C12orf42: variants seen among roughly 807,000 people sequenced by gnomAD.
C12orf42 encodes uncharacterized protein C12orf42.
A neutral mutation model predicts 21.6 loss-of-function variants in C12orf42; 25 were observed. The observed-to-expected ratio is 1.16, with a 90% CI of 0.84 to 1.62. The LOEUF (loss-of-function observed/expected upper bound fraction) is 1.62, where lower values mean the gene tolerates loss of function less well. Ranked by LOEUF, C12orf42 falls within the 40% of genes most tolerant of loss-of-function variation. The pLI is 0.00. For missense variants in C12orf42, 483 were observed against 459.3 expected, an observed-to-expected ratio of 1.05 and a Z score of -0.47; for synonymous variants, 174 against 175.0, an observed-to-expected ratio of 0.99 and a Z score of 0.05.
the C12orf42 span, among the ~76,000 whole-genome samples, chr12:103,547,247 T>A: frequency 2.0e-5 from 3 of 152,342 alleles, no homozygotes; most frequent in African/African-American, 7.2e-5. Flanking sequence ...AAATAAAGAT[T>A]AAATTTCTCA....
chr12:103,129,746 T>C, the C12orf42 span, among the ~76,000 whole-genome samples: 1 of 152,172 alleles, frequency 6.6e-6, no homozygotes, highest in South Asian at 2.1e-4. Flanking sequence ...CTGTCCTCCA[T>C]ACTCCAGAAA....
the C12orf42 span, among the ~76,000 whole-genome samples, chr12:103,131,606 TA>T: frequency 3.9e-5 from 6 of 152,198 alleles, no homozygotes; most frequent in Admixed American, 3.9e-4. Context: ...CTGTTCTAAA[TA>T]TTTTTTTTCT....
At chr12:103,303,527 G>C (rs985845328) in intron 5 of C12orf42, among the ~76,000 whole-genome samples, 1 of 152,078 alleles carries the variant, frequency 6.6e-6, no homozygotes, top group Non-Finnish European at 1.5e-5. Context: ...GCATTTAGAT[G>C]TCTAGAATAT....
At chr12:103,212,316 A>C in the C12orf42 span, among the ~76,000 whole-genome samples, 16 of 152,202 alleles carry the variant, frequency 1.1e-4, no homozygotes, top group Admixed American at 1.0e-3. Context: ...GATCAAAAGG[A>C]GGTCCATAAA....
chr12:103,388,170 AG>A (rs998205518), intron 3 of C12orf42, among the ~76,000 whole-genome samples: 1 of 152,108 alleles, frequency 6.6e-6, no homozygotes, highest in African/African-American at 2.4e-5. Context: ...GTGCCAGAGA[AG>A]GGGGGGTGAT....
chr12:103,111,891 A>C, the C12orf42 span, among the ~76,000 whole-genome samples: 1 of 152,248 alleles, frequency 6.6e-6, no homozygotes, highest in African/African-American at 2.4e-5. Flanking sequence ...GTTCTGAGGT[A>C]ATCTTGTAGA....
the C12orf42 span, among the ~76,000 whole-genome samples, chr12:103,147,165 T>TACAG: frequency 6.6e-6 from 1 of 152,220 alleles, no homozygotes. Context: ...TAGTAGCTTT[T>TACAG]ACAGACAAGG....
intron 4 of C12orf42, among the ~76,000 whole-genome samples, chr12:103,343,657 C>G (rs2042356356): frequency 6.6e-6 from 1 of 151,384 alleles, no homozygotes; most frequent in African/African-American, 2.4e-5. Context: ...GGCTGTAATC[C>G]TAGATACTCG....
At chr12:103,259,528 C>T (rs2034785575) in intron 10 of C12orf42, among the ~76,000 whole-genome samples, 1 of 152,224 alleles carries the variant, frequency 6.6e-6, no homozygotes, top group Non-Finnish European at 1.5e-5. Context: ...ATCCACCTGC[C>T]TCGGCCTCCC....
chr12:103,103,916 T>A, the C12orf42 span, among the ~76,000 whole-genome samples: 2 of 152,018 alleles, frequency 1.3e-5, no homozygotes, highest in Non-Finnish European at 2.9e-5. Flanking sequence ...TTCTCCTGCC[T>A]CAGCTTCCCA....
At chr12:103,402,807 T>A (rs906128860) in intron 2 of C12orf42, among the ~76,000 whole-genome samples, 3 of 152,140 alleles carry the variant, frequency 2.0e-5, no homozygotes, top group African/African-American at 7.2e-5. Flanking sequence ...GACTGAAGGA[T>A]GTTGACACGA....
the C12orf42 span, among the ~76,000 whole-genome samples, chr12:103,158,006 T>C: frequency 6.6e-6 from 1 of 152,228 alleles, no homozygotes; most frequent in East Asian, 1.9e-4. Context: ...TTTCTTATGA[T>C]TTTTTAAATT....
At chr12:103,092,295 G>A in the C12orf42 span, among the ~76,000 whole-genome samples, 2 of 152,112 alleles carry the variant, frequency 1.3e-5, no homozygotes, top group African/African-American at 4.8e-5. Flanking sequence ...AAGATGCAGG[G>A]AGCTAACAAT....
the C12orf42 span, among the ~76,000 whole-genome samples, chr12:103,202,473 ATATCTC>A: frequency 6.6e-6 from 1 of 152,230 alleles, no homozygotes; most frequent in Non-Finnish European, 1.5e-5. Flanking sequence ...AGGAGTTAGT[ATATCTC>A]CACTTAACAG....
intron 4 of C12orf42, among the ~76,000 whole-genome samples, chr12:103,334,126 G>A (rs903329178): frequency 9.9e-5 from 15 of 152,064 alleles, no homozygotes; most frequent in South Asian, 8.3e-4. Context: ...TGTAAAATCC[G>A]AAAAGCATCC....
In C12orf42 at chr12:103,455,732, T is replaced by C. The variant is rs550745757; in HGVS notation, c.78+22617A>G. 9.8e-5 allele frequency among the ~76,000 whole-genome samples: 15 copies of C among 152,294 alleles called. No homozygotes were observed. In the South Asian group the frequency reaches 2.5e-3, roughly 25 times the overall value. ...AAGAAGAAACAAATGAACTTCTTTATTAATTTTTATGCTGCCAGGCTTAGA... is the reference window on the plus strand; with the variant it reads ...AAGAAGAAACAAATGAACTTCTTTACTAATTTTTATGCTGCCAGGCTTAGA... On this transcript the variant is annotated intron_variant, in intron 2 of 5. Coordinates refer to ENST00000548883, the MANE Select transcript of C12orf42 (RefSeq NM_198521.5).
intron 4 of C12orf42, among the ~76,000 whole-genome samples, chr12:103,290,051 T>C (rs552714099): frequency 2.0e-4 from 30 of 152,202 alleles, no homozygotes; most frequent in Admixed American, 1.8e-3. Context: ...GCAGAGGGTC[T>C]AAAGAGAGAA....
intron 2 of C12orf42, among the ~76,000 whole-genome samples, chr12:103,415,477 ATTC>A (rs768472464): frequency 4.1e-4 from 62 of 152,198 alleles, no homozygotes; most frequent in Non-Finnish European, 7.1e-4. Flanking sequence ...CAGAATATAT[ATTC>A]TTCTCATCTG....
the C12orf42 span, among the ~76,000 whole-genome samples, chr12:103,068,707 C>G: frequency 2.6e-5 from 4 of 151,366 alleles, no homozygotes; most frequent in African/African-American, 9.7e-5. Flanking sequence ...GCTTAGCCTC[C>G]CAACCTACAT....
Sources: gnomAD v4.1 joint callset for allele counts (sites outside exome capture counted in the v4.1 genomes callset) on GRCh38, gnomAD v4.1.1 for gene constraint, MANE v1.5 for transcripts, NCBI Gene and HGNC (gene_info 2026-07-23, HGNC 2026-07-21) for gene names.